Variants in MELK observed in about 807,000 individuals in gnomAD.
The protein encoded by MELK is pEg3 kinase.
A neutral mutation model predicts 85.0 loss-of-function variants in MELK; 81 were observed. That is an observed-to-expected ratio of 0.95 (90% CI 0.80 to 1.15). The LOEUF (loss-of-function observed/expected upper bound fraction) is 1.15, where lower values mean the gene tolerates loss of function less well. MELK is among the 50% of genes most tolerant of loss of function. MELK has a pLI of 0.00. For synonymous variants in MELK, 252 were observed against 265.0 expected, an observed-to-expected ratio of 0.95 and a Z score of 0.48; for missense variants, 754 against 777.5, an observed-to-expected ratio of 0.97 and a Z score of 0.36.
intron 12 of MELK, among the ~76,000 whole-genome samples, chr9:36,656,117 A>G (rs948309209): frequency 2.0e-5 from 3 of 152,166 alleles, no homozygotes; most frequent in African/African-American, 7.2e-5. Context: ...AAAGAACAGA[A>G]GTTATTTTGG....
intron 11 of MELK, among the ~76,000 whole-genome samples, chr9:36,643,456 A>G (rs1829944941): frequency 6.6e-6 from 1 of 152,234 alleles, no homozygotes; most frequent in Non-Finnish European, 1.5e-5. Context: ...TCTTTATTTT[A>G]TCAGTACATG....
intron 10 of MELK, among the ~76,000 whole-genome samples, chr9:36,640,294 G>GA (rs1829641132): frequency 6.6e-6 from 1 of 151,790 alleles, no homozygotes; most frequent in African/African-American, 2.4e-5. Flanking sequence ...TAAAAATAAA[G>GA]AAAAAAAAGA....
chr9:36,593,232 TA>T (rs1292633523), intron 4 of MELK, among the ~76,000 whole-genome samples: 1 of 151,682 alleles, frequency 6.6e-6, no homozygotes, highest in East Asian at 1.9e-4. Flanking sequence ...TCATAGTTTA[TA>T]TAGTATCAGC....
chr9:36,669,905 G>T (rs1449891935), intron 15 of MELK, among the ~76,000 whole-genome samples: 1 of 152,168 alleles, frequency 6.6e-6, no homozygotes, highest in East Asian at 1.9e-4. Flanking sequence ...TGTGGACAGG[G>T]TATTAGATGA....
In MELK at chr9:36,677,399, T is replaced by C; in HGVS notation, c.*62T>C. ...TGTGATACAGCCTACATAAAGACTGTTATGATCGCTTTGATTTTAAAGTTC... is the reference window on the plus strand; with the variant it reads ...TGTGATACAGCCTACATAAAGACTGCTATGATCGCTTTGATTTTAAAGTTC... On this transcript the variant is annotated 3_prime_UTR_variant, in exon 18 of 18. Coordinates refer to ENST00000298048, the MANE Select transcript of MELK (RefSeq NM_014791.4). The C allele has an allele frequency of 7.1e-7, 1 of 1,413,930 alleles. No individual in the cohort carries two copies. Among genetic ancestry groups the C allele is most frequent in the Non-Finnish European group, 9.4e-7 (1 of 1,063,918 alleles). The allele number at this position is 1,413,930 out of a possible 1,614,324, so 87.6% of individuals were successfully genotyped here.
chr9:36,630,779 G>A (rs1484190185), intron 9 of MELK, among the ~76,000 whole-genome samples: 1 of 151,736 alleles, frequency 6.6e-6, no homozygotes, highest in Non-Finnish European at 1.5e-5. Flanking sequence ...TCTGCCTTCC[G>A]AGTAGGTGGG....
chr9:36,637,752 A>G (rs1829353584), intron 10 of MELK, among the ~76,000 whole-genome samples: 2 of 152,178 alleles, frequency 1.3e-5, no homozygotes, highest in Admixed American at 1.3e-4. Flanking sequence ...AAGATAGACT[A>G]TACTTGCTCC....
chr9:36,595,133 G>T (rs144292803), intron 5 of MELK, among the ~76,000 whole-genome samples: 5,877 of 150,566 alleles, frequency 0.039, 319 homozygotes, highest in African/African-American at 0.11. Context: ...CACCATGTTG[G>T]TCAGTCTGGT....
chr9:36,632,806 C>T (rs1276289640), intron 9 of MELK, among the ~76,000 whole-genome samples: 1 of 152,138 alleles, frequency 6.6e-6, no homozygotes, highest in East Asian at 1.9e-4. Context: ...ATAGGTTTTC[C>T]AGCAAAAGAC....
intron 1 of MELK, among the ~76,000 whole-genome samples, chr9:36,575,223 T>C (rs1378561078): frequency 6.6e-6 from 1 of 152,190 alleles, no homozygotes; most frequent in Admixed American, 6.5e-5. Flanking sequence ...AGGTGTCTGA[T>C]TGGGGTCTAA....
chr9:36,585,562 C>CTCCTAAAG (rs1370545747), intron 3 of MELK, among the ~76,000 whole-genome samples: 1 of 152,112 alleles, frequency 6.6e-6, no homozygotes, highest in African/African-American at 2.4e-5. Flanking sequence ...CCACCTCGGC[C>CTCCTAAAG]TCCTAAAGTG....
At chr9:36,600,114 G>A (rs1387532187) in intron 7 of MELK, among the ~76,000 whole-genome samples, 1 of 150,160 alleles carries the variant, frequency 6.7e-6, no homozygotes, top group East Asian at 1.9e-4. Flanking sequence ...TTTTTTTTGA[G>A]ACGGAGTCTC....
At chr9:36,575,215 G>A (rs536623382) in intron 1 of MELK, among the ~76,000 whole-genome samples, 6 of 152,214 alleles carry the variant, frequency 3.9e-5, no homozygotes, top group Non-Finnish European at 8.8e-5. Context: ...GGGCACTCAG[G>A]TGTCTGATTG....
intron 8 of MELK, among the ~76,000 whole-genome samples, chr9:36,608,108 G>A (rs1306858195): frequency 2.0e-5 from 3 of 151,654 alleles, no homozygotes; most frequent in Admixed American, 6.6e-5. Context: ...GTGAAACCCC[G>A]TCTCTACTAA....
Position 36,633,159 on chromosome 9 carries a change from C to T in MELK, c.793C>T (p.Gln265Ter), listed in dbSNP as rs557988412. Residue 265 changes from glutamine (Q) to a stop codon, truncating the protein, a stop_gained, in exon 10 of 18, where the codon CAA (glutamine) becomes TAA (stop). Coordinates refer to ENST00000298048, the MANE Select transcript of MELK (RefSeq NM_014791.4). LOFTEE classifies it high-confidence loss of function. The stretch of plus-strand genomic sequence containing the variant: ...TCTATTGAACCATCCCTGGATCATG[C>T]AAGATTACAACTATCCTGTTGAGTG... The part of the protein sequence containing the change: ...KNLLNHPWIM[Q>*]DYNYPVEWQS... The T allele has an allele frequency of 1.7e-4, 269 of 1,610,120 alleles. 5 individuals are homozygous for T. In the South Asian group the frequency reaches 2.9e-3, roughly 17 times the overall value.
At position 36,671,147 on chromosome 9, in the gene MELK, A is replaced by G; in HGVS notation, c.1655A>G (p.Asp552Gly). 1.9e-6 allele frequency: 3 copies of G among 1,605,386 alleles called. No individual in the cohort carries two copies. Among genetic ancestry groups the G allele is most frequent in the South Asian group, 1.1e-5 (1 of 89,298 alleles). Reference protein sequence around the residue: ...TRSKRKGSARDGPRRLKLHYN... With the variant: ...TRSKRKGSARGGPRRLKLHYN... Reference sequence around the variant, plus strand: ...AGCAAAAGGAAGGGTTCTGCCAGAGACGGGCCCAGAAGACTAAAGGTAAGC... The same window carrying G: ...AGCAAAAGGAAGGGTTCTGCCAGAGGCGGGCCCAGAAGACTAAAGGTAAGC... The change falls in exon 16 of 18, where the codon GAC becomes GGC. Residue 552 changes from aspartate to glycine, a missense_variant. By Grantham distance (94) the Asp-to-Gly change is moderately conservative. Transcript: ENST00000298048.
chr9:36,643,377 C>T (rs1432216815), intron 11 of MELK, among the ~76,000 whole-genome samples: 3 of 151,858 alleles, frequency 2.0e-5, no homozygotes, highest in Admixed American at 1.3e-4. Flanking sequence ...GAGCTAAACT[C>T]CATCTCAAAA....
intron 1 of MELK, among the ~76,000 whole-genome samples, chr9:36,575,090 G>T (rs1248452988): frequency 6.6e-6 from 1 of 152,168 alleles, no homozygotes; most frequent in Admixed American, 6.5e-5. Flanking sequence ...CCGAGATTAC[G>T]CCACTGCACT....
At chr9:36,652,976 A>G (rs1428781207) in intron 12 of MELK, among the ~76,000 whole-genome samples, 1 of 152,168 alleles carries the variant, frequency 6.6e-6, no homozygotes, top group African/African-American at 2.4e-5. Context: ...ACTTTATATG[A>G]CATGAAACAT....
Sources: allele counts gnomAD v4.1 joint callset (sites outside exome capture counted in the v4.1 genomes callset), GRCh38; gene constraint gnomAD v4.1.1; transcripts MANE v1.5; gene names NCBI Gene and HGNC (gene_info 2026-07-23, HGNC 2026-07-21).